ADK: variants seen among roughly 807,000 people sequenced by gnomAD.
ADK encodes adenosine kinase, also known as N6,N6-dimethyladenosine kinase.
Under a neutral mutation model 44.7 loss-of-function variants are expected in ADK, and 24 were observed. That is an observed-to-expected ratio of 0.54 (90% CI 0.39 to 0.76). ADK has a LOEUF of 0.76. Ranked by LOEUF, ADK falls within the 30% of genes least tolerant of loss-of-function variation. The probability of loss-of-function intolerance (pLI) is 0.00; values close to 1 mark genes in which losing one functional copy is unlikely to be tolerated. For synonymous variants in ADK, 128 were observed against 142.6 expected, an observed-to-expected ratio of 0.90 and a Z score of 0.73; for missense variants, 321 against 425.1, an observed-to-expected ratio of 0.76 and a Z score of 2.15.
intron 6 of ADK, among the ~76,000 whole-genome samples, chr10:74,429,152 A>G (rs1844896654): frequency 6.6e-6 from 1 of 152,252 alleles, no homozygotes. Context: ...AAAGTTACAG[A>G]GAACTTGCAG....
chr10:74,185,523 T>A (rs915266112), intron 1 of ADK, among the ~76,000 whole-genome samples: 10 of 76,774 alleles, frequency 1.3e-4, no homozygotes, highest in African/African-American at 2.7e-4. Context: ...ACAATATAAT[T>A]TTTTTTTTTT....
rs540520618 is a variant in ADK at position 74,664,044 on chromosome 10, G to A, written c.878-6139G>A. Among the ~76,000 whole-genome samples, 4 of 152,264 alleles carry A rather than the reference G, an allele frequency of 2.6e-5. No homozygotes were observed. In the East Asian group the frequency reaches 7.7e-4, roughly 29 times the overall value. On this transcript the variant is annotated intron_variant, in intron 9 of 10. Transcript: ENST00000539909. Reference sequence around the variant, plus strand: ...AGCTGGAATGATATTATTGACCTATGAAGCAAAATAATTAAATTTAAGGTC... The same window carrying A: ...AGCTGGAATGATATTATTGACCTATAAAGCAAAATAATTAAATTTAAGGTC...
chr10:74,591,685 T>C (rs1431868740), intron 8 of ADK, among the ~76,000 whole-genome samples: 1 of 152,198 alleles, frequency 6.6e-6, no homozygotes, highest in Non-Finnish European at 1.5e-5. Context: ...ATTAATACTC[T>C]TGGCTAGTGT....
intron 2 of ADK, among the ~76,000 whole-genome samples, chr10:74,201,652 G>A (rs796339721): frequency 9.7e-5 from 11 of 113,190 alleles, no homozygotes; most frequent in East Asian, 2.3e-4. Flanking sequence ...GTATATGTAT[G>A]TATGTATGTA....
intron 7 of ADK, among the ~76,000 whole-genome samples, chr10:74,560,466 T>C (rs1205284550): frequency 1.3e-5 from 2 of 152,214 alleles, no homozygotes; most frequent in African/African-American, 2.4e-5. Context: ...AAGAAGAATC[T>C]TATTTGCAAC....
rs140123512 is a variant in ADK at position 74,376,284 on chromosome 10, T to C, written c.274-17857T>C. ...AAATCATATTGATATTTTCAAAATA[T>C]CACATTGGAATTTGTAGGTTCTTTA... On this transcript the variant is annotated intron_variant, in intron 4 of 10. Coordinates refer to ENST00000539909, the MANE Select transcript of ADK (RefSeq NM_006721.4). Among the ~76,000 whole-genome samples the C allele has an allele frequency of 3.1e-3, 479 of 152,294 alleles. 7 individuals carry two copies. Among genetic ancestry groups the C allele is most frequent in the East Asian group, 0.018 (93 of 5,196 alleles).
intron 2 of ADK, among the ~76,000 whole-genome samples, chr10:74,217,124 G>A (rs1844072678): frequency 6.6e-6 from 1 of 152,234 alleles, no homozygotes; most frequent in African/African-American, 2.4e-5. Flanking sequence ...GTCAAAGAAA[G>A]GGGTGACAGA....
At chr10:74,591,400 T>G (rs1397976956) in intron 8 of ADK, among the ~76,000 whole-genome samples, 2 of 152,206 alleles carry the variant, frequency 1.3e-5, no homozygotes, top group African/African-American at 4.8e-5. Context: ...AAGCACATAG[T>G]GTCTTGATGT....
In ADK at chr10:74,702,522, T is replaced by TC. The variant is rs1341186830; in HGVS notation, c.965-5798dup. On this transcript the variant is annotated intron_variant, in intron 10 of 10. Transcript: ENST00000539909. ...ATTTGCTCAGTCTGTCTTCCTTCCT[T>TC]CTTTCCTTCCTTCCTTCCTTCCTTC... 4.6e-3 allele frequency among the ~76,000 whole-genome samples: 668 copies of TC among 145,132 alleles called. 3 individuals are homozygous for TC. Among genetic ancestry groups the TC allele is most frequent in the African/African-American group, 0.016 (612 of 38,972 alleles).
intron 4 of ADK, among the ~76,000 whole-genome samples, chr10:74,345,119 T>TTTAA (rs1169062498): frequency 6.6e-6 from 1 of 152,256 alleles, no homozygotes; most frequent in Non-Finnish European, 1.5e-5. Context: ...TGATTACTAA[T>TTTAA]TTAATCTCTT....
At chr10:74,545,377 G>A (rs1335127748) in intron 7 of ADK, among the ~76,000 whole-genome samples, 5 of 152,108 alleles carry the variant, frequency 3.3e-5, no homozygotes, top group African/African-American at 1.2e-4. Context: ...TTTAAGCTGG[G>A]CCTCAATTCG....
chr10:74,614,814 CTG>C (rs1852689271), intron 9 of ADK, among the ~76,000 whole-genome samples: 2 of 152,190 alleles, frequency 1.3e-5, no homozygotes, highest in Non-Finnish European at 2.9e-5. Flanking sequence ...AAACCTGTAA[CTG>C]TGCTCTAGAT....
intron 9 of ADK, among the ~76,000 whole-genome samples, chr10:74,650,776 C>G (rs149446086): frequency 2.1e-3 from 319 of 152,268 alleles, no homozygotes; most frequent in African/African-American, 7.4e-3. Context: ...TCTGGGTCAT[C>G]TGAGGAAGTT....
intron 4 of ADK, among the ~76,000 whole-genome samples, chr10:74,376,168 A>G (rs1842815016): frequency 6.6e-6 from 1 of 152,034 alleles, no homozygotes; most frequent in Non-Finnish European, 1.5e-5. Flanking sequence ...ATACATTTTA[A>G]TACCTGGTAG....
chr10:74,185,859 A>G (rs1455321474), intron 1 of ADK, among the ~76,000 whole-genome samples: 3 of 149,512 alleles, frequency 2.0e-5, no homozygotes, highest in Non-Finnish European at 3.0e-5. Context: ...AAAAAAAAAA[A>G]AAAAAAGAAA....
intron 8 of ADK, among the ~76,000 whole-genome samples, chr10:74,598,964 T>G (rs767995046): frequency 9.9e-5 from 15 of 152,142 alleles, no homozygotes; most frequent in Non-Finnish European, 5.9e-5. Context: ...TATACATGAG[T>G]CATTTTAATT....
intron 4 of ADK, among the ~76,000 whole-genome samples, chr10:74,393,397 C>G (rs1843404957): frequency 6.6e-6 from 1 of 152,010 alleles, no homozygotes; most frequent in African/African-American, 2.4e-5. Context: ...ACAAGAAATC[C>G]ATTAAAGCTT....
chr10:74,208,717 A>G (rs1055117292), intron 2 of ADK, among the ~76,000 whole-genome samples: 11 of 151,436 alleles, frequency 7.3e-5, no homozygotes, highest in Admixed American at 7.2e-4. Flanking sequence ...ATGTATATAT[A>G]TATTTTTTAT....
At chr10:74,198,851 T>C (rs1272749873) in intron 1 of ADK, among the ~76,000 whole-genome samples, 1 of 152,176 alleles carries the variant, frequency 6.6e-6, no homozygotes, top group East Asian at 1.9e-4. Flanking sequence ...TTGATTTGTT[T>C]GTTTTTGTTT....
Sources: allele counts gnomAD v4.1 joint callset (sites outside exome capture counted in the v4.1 genomes callset), GRCh38; gene constraint gnomAD v4.1.1; transcripts MANE v1.5; gene names NCBI Gene and HGNC (gene_info 2026-07-23, HGNC 2026-07-21).